PECR: variants seen among roughly 807,000 people sequenced by gnomAD.
PECR encodes the protein peroxisomal trans-2-enoyl-CoA reductase.
A neutral mutation model predicts 35.3 loss-of-function variants in PECR; 30 were observed. The observed-to-expected ratio is 0.85, with a 90% CI of 0.64 to 1.15. The LOEUF (loss-of-function observed/expected upper bound fraction) is 1.15. Among genes scored for constraint, PECR ranks in the 50% most tolerant of loss-of-function variants. The probability of loss-of-function intolerance (pLI) is 0.00; values close to 1 mark genes in which losing one functional copy is unlikely to be tolerated. For synonymous variants in PECR, 148 were observed against 138.9 expected (o/e 1.07, Z -0.46); for missense variants, 392 against 370.8 (o/e 1.06, Z -0.47).
At chr2:216,031,279 C>T (rs190631540) in intron 7 of PECR, among the ~76,000 whole-genome samples, 14 of 151,848 alleles carry the variant, frequency 9.2e-5, no homozygotes, top group Admixed American at 6.6e-4. Flanking sequence ...TGGTGGTGGG[C>T]GCCTGTAAAC....
At chr2:216,040,193 G>A (rs1209157191) in intron 7 of PECR, among the ~76,000 whole-genome samples, 2 of 152,158 alleles carry the variant, frequency 1.3e-5, no homozygotes, top group African/African-American at 4.8e-5. Flanking sequence ...ATGTGCCAGC[G>A]AATTCCTTTA....
chr2:216,040,678 G>A (rs2105941885), intron 7 of PECR, among the ~76,000 whole-genome samples: 1 of 152,276 alleles, frequency 6.6e-6, no homozygotes, highest in South Asian at 2.1e-4. Flanking sequence ...AGACTAGCCT[G>A]GCCAACATAG....
intron 3 of PECR, among the ~76,000 whole-genome samples, chr2:216,063,575 G>A (rs1244638934): frequency 3.3e-5 from 5 of 151,924 alleles, no homozygotes; most frequent in East Asian, 3.9e-4. Context: ...CAGAGATCAC[G>A]CCACTGCACT....
chr2:216,053,733 A>T (rs1355325939), intron 4 of PECR, among the ~76,000 whole-genome samples: 1 of 152,122 alleles, frequency 6.6e-6, no homozygotes, highest in Admixed American at 6.6e-5. Context: ...ATATTTGTGT[A>T]ATTTTTCTTT....
intron 7 of PECR, among the ~76,000 whole-genome samples, chr2:216,031,596 G>T (rs1032024965): frequency 1.1e-5 from 1 of 88,388 alleles, no homozygotes; most frequent in Non-Finnish European, 2.8e-5. Context: ...GGAAAGAAAA[G>T]AAGGAAAGAA....
intron 6 of PECR, among the ~76,000 whole-genome samples, chr2:216,046,308 A>ATTTTTT (rs1413493863): frequency 8.9e-6 from 1 of 112,112 alleles, no homozygotes; most frequent in Admixed American, 9.0e-5. Context: ...ATATATATAT[A>ATTTTTT]TATTTTTTTT....
chr2:216,043,016 T>TACAC (rs754679244), intron 7 of PECR, among the ~76,000 whole-genome samples: 1 of 140,964 alleles, frequency 7.1e-6, no homozygotes, highest in African/African-American at 2.6e-5. Context: ...TATATATATA[T>TACAC]ACACATACGT....
At chr2:216,062,217 T>A (rs1380957512) in intron 3 of PECR, among the ~76,000 whole-genome samples, 1 of 152,070 alleles carries the variant, frequency 6.6e-6, no homozygotes, top group African/African-American at 2.4e-5. Flanking sequence ...GGCTAATGTT[T>A]GTATTTTTAG....
At chr2:216,039,416 C>T in intron 7 of PECR, 56 bp from the exon 8 acceptor site, 2 of 931,962 alleles carry the variant, frequency 2.1e-6, no homozygotes, top group South Asian at 1.3e-5. Flanking sequence ...GCCCTCTTCA[C>T]TCCCACCAAA....
chr2:216,077,365 G>C (rs886098201), intron 1 of PECR, among the ~76,000 whole-genome samples: 26 of 151,986 alleles, frequency 1.7e-4, no homozygotes, highest in African/African-American at 6.0e-4. Context: ...AACTTAGCCG[G>C]GTGTGGTGGT....
At chr2:216,058,812 T>C in intron 4 of PECR, 83 bp downstream of exon 4, 1 of 781,558 alleles carries the variant, frequency 1.3e-6, no homozygotes, top group South Asian at 1.4e-5. Flanking sequence ...GATCTTGATT[T>C]AAGAAATGTT....
chr2:216,068,276 T>C (rs1015393579), intron 1 of PECR, among the ~76,000 whole-genome samples: 9 of 119,280 alleles, frequency 7.5e-5, no homozygotes, highest in African/African-American at 2.8e-4. Flanking sequence ...ACTGATGATA[T>C]AATTAAATAG....
At chr2:216,041,758 T>C (rs1264600525) in intron 7 of PECR, among the ~76,000 whole-genome samples, 3 of 152,182 alleles carry the variant, frequency 2.0e-5, no homozygotes, top group African/African-American at 7.2e-5. Context: ...GAAGGTTAAG[T>C]TGATCACCAG....
chr2:216,039,243 C>A lies in PECR; in HGVS notation c.*32G>T, dbSNP rs771799524. ...AGCATATCCTCAAGATGTGAAGGCA[C>A]TGGGGGATGGAGGACACCTTGTTTC... On this transcript the variant is annotated 3_prime_UTR_variant, in exon 8 of 8. Coordinates refer to ENST00000265322, the MANE Select transcript of PECR (RefSeq NM_018441.6). The A allele has an allele frequency of 4.4e-6, 5 of 1,142,450 alleles. No homozygotes were observed. The highest frequency in any genetic ancestry group is 5.3e-6 in the Non-Finnish European group (4 of 749,684). 70.8% of individuals were successfully genotyped at this position (1,142,450 alleles called of 1,614,324 possible). A position where few individuals can be genotyped will look rare whatever the true frequency, so the allele number is the denominator to read the frequency against.
chr2:216,068,689 G>C (rs986443811), intron 1 of PECR, among the ~76,000 whole-genome samples: 1 of 152,034 alleles, frequency 6.6e-6, no homozygotes, highest in African/African-American at 2.4e-5. Context: ...GCCTAGGCTG[G>C]TGTGCAGTGG....
intron 3 of PECR, among the ~76,000 whole-genome samples, chr2:216,059,818 A>C (rs112846876): frequency 6.0e-4 from 91 of 152,352 alleles, no homozygotes; most frequent in African/African-American, 1.9e-3. Context: ...ATCAAGAAAT[A>C]GCTTTGCAAT....
At chr2:216,057,437 T>C (rs961703016) in intron 4 of PECR, among the ~76,000 whole-genome samples, 1 of 152,168 alleles carries the variant, frequency 6.6e-6, no homozygotes, top group African/African-American at 2.4e-5. Flanking sequence ...AACATCAAGA[T>C]ACAGAATAGT....
chr2:216,037,407 T>C (rs1221336572), downstream of PECR, among the ~76,000 whole-genome samples: 3 of 152,164 alleles, frequency 2.0e-5, no homozygotes, highest in Non-Finnish European at 4.4e-5. Flanking sequence ...TTAACACAGG[T>C]CATGTGAAAG....
chr2:216,031,457 GAGAA>G lies in PECR; in HGVS notation c.*440+7730_*440+7733del, dbSNP rs1274456248. On this transcript the variant is annotated intron_variant and NMD_transcript_variant, in intron 7 of 7. Coordinates refer to the PECR transcript ENST00000442122. Reference sequence around the variant, plus strand: ...AGAAAGAAAGAAAAAGAAAGAAAGAGAGAAAGAAAGAAAGAAAGAGAAAGAAAGA... The same window carrying G: ...AGAAAGAAAGAAAAAGAAAGAAAGAGAGAAAGAAAGAAAGAGAAAGAAAGA... 1.2e-3 allele frequency among the ~76,000 whole-genome samples: 141 copies of G among 117,846 alleles called. 1 individual carries two copies. Among genetic ancestry groups the G allele is most frequent in the African/African-American group, 3.2e-3 (101 of 31,506 alleles). 77.3% of individuals were successfully genotyped at this position (117,846 alleles called of 152,430 possible). A position where few individuals can be genotyped will look rare whatever the true frequency, so the allele number is the denominator to read the frequency against.
Sources: gnomAD v4.1 joint callset for allele counts (sites outside exome capture counted in the v4.1 genomes callset) on GRCh38, gnomAD v4.1.1 for gene constraint, MANE v1.5 for transcripts, NCBI Gene and HGNC (gene_info 2026-07-23, HGNC 2026-07-21) for gene names.